Variants in PATJ observed in about 807,000 individuals in gnomAD.
PATJ encodes inaD-like protein.
Under a neutral mutation model 224.9 loss-of-function variants are expected in PATJ, and 190 were observed. That is an observed-to-expected ratio of 0.84 (90% CI 0.75 to 0.95). PATJ has a LOEUF of 0.95. Ranked by LOEUF, PATJ falls within the 40% of genes least tolerant of loss-of-function variation. The pLI is 0.00. For missense variants in PATJ, 2,121 were observed against 2,270.3 expected, an observed-to-expected ratio of 0.93 and a Z score of 1.34; for synonymous variants, 769 against 820.3, an observed-to-expected ratio of 0.94 and a Z score of 1.07.
chr1:62,005,717 G>A lies in PATJ; in HGVS notation c.3868-12139G>A, dbSNP rs1249124726. ...AGGCTTCTAGGCTACAGTGAGCTATGATTGTGCCACTGCACTCCAGCCTGG... is the reference window on the plus strand; with the variant it reads ...AGGCTTCTAGGCTACAGTGAGCTATAATTGTGCCACTGCACTCCAGCCTGG... On this transcript the variant is annotated intron_variant, in intron 28 of 43. Transcript: ENST00000642238. Among the ~76,000 whole-genome samples the A allele has an allele frequency of 2.0e-5, 3 of 152,084 alleles. No individual in the cohort carries two copies. In the East Asian group the frequency reaches 5.8e-4, roughly 29 times the overall value.
intron 21 of PATJ, among the ~76,000 whole-genome samples, chr1:61,876,586 G>A (rs1044750106): frequency 2.6e-5 from 4 of 152,138 alleles, no homozygotes; most frequent in Non-Finnish European, 4.4e-5. Flanking sequence ...GCTTAGCAGC[G>A]TCCCTGTCTT....
intron 29 of PATJ, among the ~76,000 whole-genome samples, chr1:62,025,692 AT>A (rs1196017759): frequency 6.6e-6 from 1 of 152,178 alleles, no homozygotes; most frequent in Non-Finnish European, 1.5e-5. Context: ...GCATGGCGAC[AT>A]GTGCCTGTAA....
At chr1:61,883,664 G>A (rs1255718141) in intron 21 of PATJ, among the ~76,000 whole-genome samples, 1 of 151,480 alleles carries the variant, frequency 6.6e-6, no homozygotes, top group Non-Finnish European at 1.5e-5. Context: ...CTGGGGCAGG[G>A]AGAACTGTAT....
chr1:61,903,246 T>C (rs1294238313), intron 24 of PATJ, among the ~76,000 whole-genome samples: 1 of 152,230 alleles, frequency 6.6e-6, no homozygotes, highest in Non-Finnish European at 1.5e-5. Flanking sequence ...AATGGCGGCC[T>C]GGACCAGGAG....
chr1:62,083,687 T>C (rs1659575061), intron 32 of PATJ, among the ~76,000 whole-genome samples: 1 of 152,236 alleles, frequency 6.6e-6, no homozygotes, highest in African/African-American at 2.4e-5. Context: ...TGCTTTACTA[T>C]ATATGTAATA....
chr1:62,020,273 G>A (rs1221103696), intron 29 of PATJ, among the ~76,000 whole-genome samples: 1 of 152,160 alleles, frequency 6.6e-6, no homozygotes, highest in African/African-American at 2.4e-5. Flanking sequence ...ATGGTACAAT[G>A]TACTATGTAC....
chr1:62,091,281 A>C (rs1043046634), intron 33 of PATJ, among the ~76,000 whole-genome samples: 1 of 152,220 alleles, frequency 6.6e-6, no homozygotes, highest in African/African-American at 2.4e-5. Context: ...ACCATAGCAG[A>C]GTAATGATGC....
At chr1:62,055,247 A>G (rs1654349718) in intron 31 of PATJ, among the ~76,000 whole-genome samples, 1 of 152,182 alleles carries the variant, frequency 6.6e-6, no homozygotes, top group South Asian at 2.1e-4. Context: ...ACTCATTCAG[A>G]AAGCCTCATG....
intron 31 of PATJ, among the ~76,000 whole-genome samples, chr1:62,054,906 T>C (rs1654284266): frequency 2.0e-5 from 3 of 152,028 alleles, no homozygotes; most frequent in South Asian, 4.2e-4. Flanking sequence ...AATACAAAAA[T>C]TAGCTGGGCA....
At chr1:62,098,266 G>A (rs1209078946) in intron 33 of PATJ, among the ~76,000 whole-genome samples, 1 of 151,748 alleles carries the variant, frequency 6.6e-6, no homozygotes, top group Non-Finnish European at 1.5e-5. Flanking sequence ...GGCTGAGGCA[G>A]GAGAATGGCG....
intron 30 of PATJ, among the ~76,000 whole-genome samples, chr1:62,043,130 T>C (rs1458211298): frequency 6.6e-6 from 1 of 152,202 alleles, no homozygotes; most frequent in African/African-American, 2.4e-5. Flanking sequence ...ACAACCTTGG[T>C]AGAGGCAGTT....
At chr1:62,140,664 T>A (rs1667409862) in intron 41 of PATJ, among the ~76,000 whole-genome samples, 1 of 151,064 alleles carries the variant, frequency 6.6e-6, no homozygotes, top group Admixed American at 6.6e-5. Flanking sequence ...AAAAAAAAAA[T>A]TGATTTTTAC....
At chr1:61,767,695 G>A (rs1015962207) in intron 4 of PATJ, among the ~76,000 whole-genome samples, 1 of 48,564 alleles carries the variant, frequency 2.1e-5, no homozygotes, top group South Asian at 8.9e-4. Flanking sequence ...TTTTTTTTTT[G>A]AGATGAAGTC....
chr1:62,016,469 A>G (rs544620299), intron 28 of PATJ, among the ~76,000 whole-genome samples: 3 of 152,330 alleles, frequency 2.0e-5, no homozygotes, highest in South Asian at 2.1e-4. Flanking sequence ...GAAATTGTCA[A>G]TGCCACACTT....
intron 28 of PATJ, among the ~76,000 whole-genome samples, chr1:62,015,866 G>T (rs891130628): frequency 1.3e-5 from 2 of 151,914 alleles, no homozygotes; most frequent in South Asian, 2.1e-4. Context: ...ATGGGGTTTC[G>T]CCATGTTGAC....
chr1:62,019,260 G>A (rs1461299877), intron 29 of PATJ, among the ~76,000 whole-genome samples: 1 of 148,748 alleles, frequency 6.7e-6, no homozygotes, highest in Non-Finnish European at 1.5e-5. Context: ...AAAAAAAAAG[G>A]CCGGGCATGG....
intron 39 of PATJ, among the ~76,000 whole-genome samples, chr1:62,125,914 T>G (rs1230285856): frequency 6.6e-6 from 1 of 152,086 alleles, no homozygotes; most frequent in Non-Finnish European, 1.5e-5. Context: ...GGATTACAGG[T>G]GCGTGCCACC....
intron 17 of PATJ, among the ~76,000 whole-genome samples, chr1:61,854,813 T>C (rs1392964863): frequency 3.9e-5 from 6 of 152,232 alleles, no homozygotes; most frequent in African/African-American, 1.4e-4. Flanking sequence ...AGTGGAGATA[T>C]AAATTGGTTT....
At chr1:62,040,531 G>C (rs1651282519) in intron 30 of PATJ, among the ~76,000 whole-genome samples, 1 of 152,164 alleles carries the variant, frequency 6.6e-6, no homozygotes, top group African/African-American at 2.4e-5. Flanking sequence ...ATTTAAATAA[G>C]ATAAAAATTA....
Sources: gnomAD v4.1 joint callset for allele counts (sites outside exome capture counted in the v4.1 genomes callset) on GRCh38, gnomAD v4.1.1 for gene constraint, MANE v1.5 for transcripts, NCBI Gene and HGNC (gene_info 2026-07-23, HGNC 2026-07-21) for gene names.